The following ITSN2 variants were observed in gnomAD, a reference collection of about 807,000 sequenced individuals.
ITSN2 encodes the protein intersectin-2.
ITSN2 carries 156 observed loss-of-function variants against 243.7 expected under a neutral mutation model. The ratio of observed to expected loss-of-function variants is 0.64; its 90% confidence interval spans 0.56 to 0.73. The LOEUF (loss-of-function observed/expected upper bound fraction) is 0.73. ITSN2 is among the 30% of genes least tolerant of loss of function. ITSN2 has a pLI of 0.00. For missense variants in ITSN2, 1,801 were observed against 1,996.1 expected (o/e 0.90, Z 1.86); for synonymous variants, 703 against 699.9 (o/e 1.00, Z -0.07).
chr2:24,315,778 T>A (rs1202039089), intron 2 of ITSN2, among the ~76,000 whole-genome samples: 1 of 152,194 alleles, frequency 6.6e-6, no homozygotes, highest in African/African-American at 2.4e-5. Context: ...TGCTTCTCTC[T>A]CTCCTGCTGC....
chr2:24,337,396 G>A (rs1686570837), intron 1 of ITSN2, among the ~76,000 whole-genome samples: 1 of 133,264 alleles, frequency 7.5e-6, no homozygotes, highest in South Asian at 2.4e-4. Context: ...TATCACCCAG[G>A]CTGGAGTGCA....
At chr2:24,259,217 T>TA (rs774419531) in intron 22 of ITSN2, among the ~76,000 whole-genome samples, 5 of 152,248 alleles carry the variant, frequency 3.3e-5, no homozygotes, top group Non-Finnish European at 5.9e-5. Flanking sequence ...TTGCTCACGC[T>TA]AAAGACTGAA....
At chr2:24,304,809 G>A (rs968102176) in intron 8 of ITSN2, among the ~76,000 whole-genome samples, 1 of 152,164 alleles carries the variant, frequency 6.6e-6, no homozygotes, top group Non-Finnish European at 1.5e-5. Context: ...TCATACTCGT[G>A]GAGGGCTTTA....
intron 15 of ITSN2, among the ~76,000 whole-genome samples, chr2:24,291,229 A>C (rs1445481984): frequency 6.6e-6 from 1 of 152,056 alleles, no homozygotes; most frequent in Non-Finnish European, 1.5e-5. Context: ...TCCCACGTTC[A>C]AGCAATTCTC....
intron 24 of ITSN2, among the ~76,000 whole-genome samples, chr2:24,253,175 C>G (rs533314530): frequency 6.6e-6 from 1 of 152,260 alleles, no homozygotes; most frequent in Admixed American, 6.5e-5. Context: ...ACTTGGTTTT[C>G]TAAGTCTTTT....
chr2:24,313,632 C>T (rs1420665345), intron 3 of ITSN2, 109 bp from the exon 4 acceptor site: 3 of 638,140 alleles, frequency 4.7e-6, no homozygotes, highest in Non-Finnish European at 2.6e-6. Flanking sequence ...ATTTTAATAC[C>T]AATCATTAAA....
chr2:24,342,710 G>A (rs1016333353), intron 1 of ITSN2, among the ~76,000 whole-genome samples: 1 of 151,838 alleles, frequency 6.6e-6, no homozygotes, highest in Non-Finnish European at 1.5e-5. Context: ...TGAATGTGAA[G>A]GAAAACATTC....
chr2:24,293,988 T>C (rs1284306475), intron 14 of ITSN2, among the ~76,000 whole-genome samples: 1 of 152,202 alleles, frequency 6.6e-6, no homozygotes. Flanking sequence ...TGGCTGAAAT[T>C]AAAAGGCAGT....
chr2:24,232,194 G>T (rs1337384716), intron 29 of ITSN2, among the ~76,000 whole-genome samples: 2 of 152,152 alleles, frequency 1.3e-5, no homozygotes, highest in East Asian at 3.8e-4. Context: ...TAGGAGCTAT[G>T]TTGCTCCTGT....
Position 24,270,778 on chromosome 2 carries a change from A to G in ITSN2, c.2258-10T>C. The G allele has an allele frequency of 6.9e-7, 1 of 1,456,572 alleles. No individual in the cohort carries two copies. Among genetic ancestry groups the G allele is most frequent in the Non-Finnish European group, 9.5e-7 (1 of 1,049,164 alleles). 90.2% of individuals were successfully genotyped at this position (1,456,572 alleles called of 1,614,324 possible). A position where few individuals can be genotyped will look rare whatever the true frequency, so the allele number is the denominator to read the frequency against. ...ACACTAGCTGTCTCACCTAAAGAGA[A>G]GACAATTGTCATTATTTGCAACTTA... On this transcript the variant is annotated splice_polypyrimidine_tract_variant and intron_variant, in intron 19 of 39. Coordinates refer to ENST00000355123, the MANE Select transcript of ITSN2 (RefSeq NM_006277.3).
chr2:24,319,647 A>C (rs1324244806), intron 2 of ITSN2, among the ~76,000 whole-genome samples: 1 of 152,250 alleles, frequency 6.6e-6, no homozygotes, highest in African/African-American at 2.4e-5. Flanking sequence ...GACTAGACTC[A>C]ATTACTCAAA....
At chr2:24,283,418 G>A (rs949018405) in intron 17 of ITSN2, among the ~76,000 whole-genome samples, 2 of 152,092 alleles carry the variant, frequency 1.3e-5, no homozygotes, top group African/African-American at 4.8e-5. Flanking sequence ...TAGAGACGGG[G>A]TTTCACCATG....
At chr2:24,345,388 C>T (rs1298807916) in intron 1 of ITSN2, among the ~76,000 whole-genome samples, 1 of 152,150 alleles carries the variant, frequency 6.6e-6, no homozygotes, top group African/African-American at 2.4e-5. Context: ...TCCAAGATAA[C>T]CATATCAGCC....
At chr2:24,206,270 G>T in intron 37 of ITSN2, 1 of 435,574 alleles carries the variant, frequency 2.3e-6, no homozygotes, top group Non-Finnish European at 4.7e-6. Flanking sequence ...ACAAAATGGG[G>T]GAAACCTGAA....
At chr2:24,300,704 G>C (rs372587882) in intron 11 of ITSN2, among the ~76,000 whole-genome samples, 3 of 136,680 alleles carry the variant, frequency 2.2e-5, no homozygotes, top group African/African-American at 8.1e-5. Flanking sequence ...GGGCAACAAG[G>C]AAAAAAAAAA....
Position 24,250,429 on chromosome 2 carries a change from C to G in ITSN2, c.3121-1547G>C, listed in dbSNP as rs187057864. 2.2e-3 allele frequency among the ~76,000 whole-genome samples: 340 copies of G among 152,270 alleles called. 2 individuals carry two copies. Among genetic ancestry groups the G allele is most frequent in the Non-Finnish European group, 3.5e-3 (239 of 68,002 alleles). On this transcript the variant is annotated intron_variant, in intron 25 of 39. Coordinates refer to ENST00000355123, the MANE Select transcript of ITSN2 (RefSeq NM_006277.3). ...TTTGTACCTACCACTATGAGTCTGA[C>G]AGTTTCCTAGTATTGAAAAACTTTT...
intron 2 of ITSN2, among the ~76,000 whole-genome samples, chr2:24,315,790 A>T (rs910147503): frequency 6.6e-6 from 1 of 152,172 alleles, no homozygotes; most frequent in African/African-American, 2.4e-5. Context: ...TCCTGCTGCC[A>T]CGTTAAGATG....
chr2:24,252,618 C>A, intron 24 of ITSN2, 107 bp from the exon 25 acceptor site: 1 of 634,316 alleles, frequency 1.6e-6, no homozygotes. Flanking sequence ...CTGTAAAAGA[C>A]CTTGTGCCTT....
chr2:24,218,069 T>C (rs1558438508), intron 30 of ITSN2, 56 bp from the exon 31 acceptor site: 1 of 1,140,038 alleles, frequency 8.8e-7, no homozygotes, highest in Non-Finnish European at 1.3e-6. Flanking sequence ...ACAGCCTACG[T>C]GTGGTCTAAA....
Sources: gnomAD v4.1 joint callset for allele counts (sites outside exome capture counted in the v4.1 genomes callset) on GRCh38, gnomAD v4.1.1 for gene constraint, MANE v1.5 for transcripts, NCBI Gene and HGNC (gene_info 2026-07-23, HGNC 2026-07-21) for gene names.